CDH13: variants seen among roughly 807,000 people sequenced by gnomAD.
The protein encoded by CDH13 is cadherin-13.
CDH13 carries 24 observed loss-of-function variants against 63.8 expected under a neutral mutation model. That is an observed-to-expected ratio of 0.38 (90% CI 0.27 to 0.53). The LOEUF is 0.53. Among genes scored for constraint, CDH13 ranks in the 20% least tolerant of loss-of-function variants. The probability of loss-of-function intolerance (pLI) is 0.85; values close to 1 mark genes in which losing one functional copy is unlikely to be tolerated. For synonymous variants in CDH13, 503 were observed against 355.3 expected, an observed-to-expected ratio of 1.42 and a Z score of -4.67; for missense variants, 1,049 against 903.1, an observed-to-expected ratio of 1.16 and a Z score of -2.07.
At chr16:83,299,434 C>T (rs913170999) in intron 5 of CDH13, among the ~76,000 whole-genome samples, 1 of 152,202 alleles carries the variant, frequency 6.6e-6, no homozygotes, top group South Asian at 2.1e-4. Context: ...TACACTCTTG[C>T]TATCCTCATT....
intron 1 of CDH13, among the ~76,000 whole-genome samples, chr16:82,794,757 TATA>T (rs945385818): frequency 1.1e-4 from 17 of 152,248 alleles, no homozygotes; most frequent in Non-Finnish European, 2.5e-4. Context: ...TTTGAGCTGT[TATA>T]ATGTTTTATC....
chr16:83,205,041 C>A (rs1420220436), intron 4 of CDH13, among the ~76,000 whole-genome samples: 1 of 152,186 alleles, frequency 6.6e-6, no homozygotes, highest in Non-Finnish European at 1.5e-5. Context: ...AGGATAGGAG[C>A]CCACAGGGGC....
intron 8 of CDH13, among the ~76,000 whole-genome samples, chr16:83,645,318 T>A (rs968437817): frequency 5.3e-5 from 8 of 152,200 alleles, no homozygotes; most frequent in Non-Finnish European, 1.5e-5. Context: ...TACTGCATGT[T>A]CTCACTTGTA....
At chr16:82,977,320 G>A (rs185516545) in intron 2 of CDH13, among the ~76,000 whole-genome samples, 14 of 152,124 alleles carry the variant, frequency 9.2e-5, no homozygotes, top group Non-Finnish European at 1.8e-4. Context: ...TTAACCAGAA[G>A]CTTAGTAGTC....
At chr16:82,937,624 CAG>C (rs2042712598) in intron 2 of CDH13, among the ~76,000 whole-genome samples, 1 of 152,192 alleles carries the variant, frequency 6.6e-6, no homozygotes, top group African/African-American at 2.4e-5. Flanking sequence ...CAGTTGCAAA[CAG>C]ATATATTGTT....
At chr16:82,634,606 G>C (rs776142546) in intron 1 of CDH13, among the ~76,000 whole-genome samples, 5 of 152,234 alleles carry the variant, frequency 3.3e-5, no homozygotes, top group Non-Finnish European at 7.3e-5. Flanking sequence ...ATTCATTTAT[G>C]TAATTGTTTA....
intron 5 of CDH13, among the ~76,000 whole-genome samples, chr16:83,268,410 G>T (rs1261045554): frequency 1.3e-5 from 2 of 152,192 alleles, no homozygotes; most frequent in Non-Finnish European, 2.9e-5. Flanking sequence ...TTTCAGGGCA[G>T]TTGCCACAGT....
intron 1 of CDH13, among the ~76,000 whole-genome samples, chr16:82,639,008 T>A (rs1372067196): frequency 6.6e-6 from 1 of 152,100 alleles, no homozygotes; most frequent in Non-Finnish European, 1.5e-5. Flanking sequence ...AAGTTTTGAG[T>A]GGTGGAGTCA....
At chr16:83,467,964 G>T (rs114299260) in intron 6 of CDH13, among the ~76,000 whole-genome samples, 3,838 of 152,248 alleles carry the variant, frequency 0.025, 164 homozygotes, top group African/African-American at 0.087. Context: ...AAGCAAAGTT[G>T]CCTCTTTTTC....
At chr16:83,283,340 T>C (rs2089230314) in intron 5 of CDH13, among the ~76,000 whole-genome samples, 1 of 152,138 alleles carries the variant, frequency 6.6e-6, no homozygotes, top group Non-Finnish European at 1.5e-5. Context: ...CCTGTAATCC[T>C]AGCAATTTGG....
intron 6 of CDH13, among the ~76,000 whole-genome samples, chr16:83,409,495 A>G (rs528964646): frequency 1.3e-5 from 2 of 152,330 alleles, no homozygotes; most frequent in Admixed American, 1.3e-4. Flanking sequence ...TTGGTTTGGG[A>G]CATGTAGAGT....
At chr16:83,441,722 C>T (rs545289245) in intron 6 of CDH13, among the ~76,000 whole-genome samples, 3 of 152,010 alleles carry the variant, frequency 2.0e-5, no homozygotes, top group Middle Eastern at 3.4e-3. Flanking sequence ...TCCCTGAACC[C>T]GGATAGAAAC....
rs540902391 is a variant in CDH13 at position 83,693,566 on chromosome 16, T to C, written c.1538+15105T>C. Among the ~76,000 whole-genome samples, 10 of 152,318 alleles carry C rather than the reference T, an allele frequency of 6.6e-5. No homozygotes were observed. In the East Asian group the frequency reaches 1.7e-3, roughly 26 times the overall value. ...TCCTGGTAAAATCCAAGGGAGCAGATAGGAGTTTCTAAATATTAAGTTTTG... is the reference window on the plus strand; with the variant it reads ...TCCTGGTAAAATCCAAGGGAGCAGACAGGAGTTTCTAAATATTAAGTTTTG... On this transcript the variant is annotated intron_variant, in intron 10 of 13. Transcript: ENST00000567109.
At chr16:83,763,618 G>A (rs369067678) in intron 11 of CDH13, among the ~76,000 whole-genome samples, 29 of 152,222 alleles carry the variant, frequency 1.9e-4, no homozygotes, top group African/African-American at 7.0e-4. Flanking sequence ...CTTAAAAGAT[G>A]CTAGTTTGGA....
intron 5 of CDH13, among the ~76,000 whole-genome samples, chr16:83,301,739 T>C (rs751718215): frequency 3.3e-5 from 5 of 152,190 alleles, no homozygotes; most frequent in Non-Finnish European, 5.9e-5. Context: ...CTCTTATTTT[T>C]TCCTTCTTTG....
At chr16:83,770,444 C>G (rs1914684325) in intron 11 of CDH13, among the ~76,000 whole-genome samples, 1 of 152,144 alleles carries the variant, frequency 6.6e-6, no homozygotes, top group Non-Finnish European at 1.5e-5. Context: ...ATGCTTGTGA[C>G]TGGAAAGAGG....
intron 1 of CDH13, among the ~76,000 whole-genome samples, chr16:82,678,444 C>G (rs1914184042): frequency 6.6e-6 from 1 of 151,058 alleles, no homozygotes; most frequent in Non-Finnish European, 1.5e-5. Flanking sequence ...ATGTTCACTT[C>G]TTAAGGGCAA....
chr16:82,790,651 G>T (rs2036254718), intron 1 of CDH13, among the ~76,000 whole-genome samples: 1 of 152,270 alleles, frequency 6.6e-6, no homozygotes, highest in African/African-American at 2.4e-5. Flanking sequence ...AAGGAAAGAG[G>T]TTTAATTGAC....
intron 7 of CDH13, among the ~76,000 whole-genome samples, chr16:83,575,481 C>G (rs561750974): frequency 6.6e-6 from 1 of 152,304 alleles, no homozygotes; most frequent in South Asian, 2.1e-4. Flanking sequence ...AAGACAAGTA[C>G]CATCTGACCC....
Sources: gnomAD v4.1 joint callset for allele counts (sites outside exome capture counted in the v4.1 genomes callset) on GRCh38, gnomAD v4.1.1 for gene constraint, MANE v1.5 for transcripts, NCBI Gene and HGNC (gene_info 2026-07-23, HGNC 2026-07-21) for gene names.